ZBTB25: variants seen among roughly 807,000 people sequenced by gnomAD.
The protein encoded by ZBTB25 is zinc finger and BTB domain-containing protein 25.
Under a neutral mutation model 34.2 loss-of-function variants are expected in ZBTB25, and 20 were observed. The observed-to-expected ratio is 0.58, with a 90% confidence interval of 0.41 to 0.85. ZBTB25 has a LOEUF of 0.85. Among genes scored for constraint, ZBTB25 ranks in the 40% least tolerant of loss-of-function variants. The pLI is 0.00. For missense variants in ZBTB25, 437 were observed against 521.8 expected, an observed-to-expected ratio of 0.84 and a Z score of 1.58; for synonymous variants, 175 against 186.4, an observed-to-expected ratio of 0.94 and a Z score of 0.50.
chr14:64,454,890 C>A (rs778065296), intron 2 of ZBTB25: 8 of 1,613,656 alleles, frequency 5.0e-6, no homozygotes, highest in Non-Finnish European at 5.1e-6. Context: ...GTGCATGCTG[C>A]AAGGGAGTAG....
At position 64,487,607 on chromosome 14, in the gene ZBTB25, A is replaced by C; in HGVS notation, c.624T>G (p.Cys208Trp). The C allele has an allele frequency of 6.2e-7, 1 of 1,606,530 alleles. No individual in the cohort carries two copies. Among genetic ancestry groups the C allele is most frequent in the Non-Finnish European group, 8.5e-7 (1 of 1,175,692 alleles). ...KPPVSIKQERCDPESVISQSH... is the reference protein window; with the variant it reads ...KPPVSIKQERWDPESVISQSH... ...TCTGGGAGATCACAGATTCTGGGTC[A>C]CATCTCTCCTGCTTGATGGAAACTG... The change falls in exon 3 of 3, where the codon TGT (cysteine) becomes TGG (tryptophan). Residue 208 changes from cysteine to tryptophan, a missense_variant. Transcript: ENST00000608382.
intron 1 of ZBTB25, among the ~76,000 whole-genome samples, chr14:64,500,880 G>T: frequency 6.6e-6 from 1 of 152,096 alleles, no homozygotes; most frequent in East Asian, 1.9e-4. Context: ...GCGAAACCCT[G>T]TCTCTACTAA....
intron 1 of ZBTB25, among the ~76,000 whole-genome samples, chr14:64,494,245 T>C (rs2141041703): frequency 6.6e-6 from 1 of 152,288 alleles, no homozygotes; most frequent in African/African-American, 2.4e-5. Flanking sequence ...ATTACAAACA[T>C]GTCGAGTGTA....
upstream of ZBTB25, chr14:64,504,973 TTTGCGCAACTTTGGC>T (rs2079618477): frequency 2.5e-6 from 1 of 393,800 alleles, no homozygotes; most frequent in Non-Finnish European, 4.5e-6. Context: ...TGTGGGGCTA[TTTGCGCAACTTTGGC>T]CCAGGCCGGA....
At chr14:64,489,777 G>A (rs574647380) in intron 2 of ZBTB25, among the ~76,000 whole-genome samples, 277 of 151,264 alleles carry the variant, frequency 1.8e-3, no homozygotes, top group Middle Eastern at 3.4e-3. Flanking sequence ...CTTGTGATCC[G>A]CCCACCTTGG....
chr14:64,500,365 T>TGCA (rs2079444081), intron 1 of ZBTB25, among the ~76,000 whole-genome samples: 1 of 149,606 alleles, frequency 6.7e-6, no homozygotes, highest in African/African-American at 2.5e-5. Context: ...AAAACATCCA[T>TGCA]GCATGACTGA....
At chr14:64,502,182 C>T (rs2079519550) in intron 1 of ZBTB25, among the ~76,000 whole-genome samples, 1 of 152,170 alleles carries the variant, frequency 6.6e-6, no homozygotes, top group African/African-American at 2.4e-5. Flanking sequence ...TAAACAGCGG[C>T]CAACTTGAGC....
At chr14:64,463,826 T>C (rs1452609174) in intron 2 of ZBTB25, among the ~76,000 whole-genome samples, 1 of 152,070 alleles carries the variant, frequency 6.6e-6, no homozygotes, top group Non-Finnish European at 1.5e-5. Context: ...GCTCATCTTA[T>C]TTTTTGCCTG....
chr14:64,467,277 G>T (rs918737020), intron 2 of ZBTB25: 2 of 152,192 alleles, frequency 1.3e-5, no homozygotes, highest in African/African-American at 4.8e-5. Context: ...TCATCTGTAC[G>T]TGGTGATACC....
intron 1 of ZBTB25, among the ~76,000 whole-genome samples, chr14:64,491,361 G>C (rs1270648371): frequency 6.6e-6 from 1 of 152,170 alleles, no homozygotes; most frequent in Non-Finnish European, 1.5e-5. Flanking sequence ...AACTACTTGA[G>C]GGGCTGAGGC....
intron 2 of ZBTB25, chr14:64,471,162 T>A (rs2078666211): frequency 6.2e-6 from 1 of 161,104 alleles, no homozygotes; most frequent in African/African-American, 2.4e-5. Flanking sequence ...TTCTTTTTTT[T>A]TTTTTTTTGA....
chr14:64,486,309 A>T lies in ZBTB25; in HGVS notation c.*614T>A, dbSNP rs1369424271. ...ACAGAGAGACTCTGTCTCAAAAAAA[A>T]AAAGAGGTATACTCAATGTTAAAAA... On this transcript the variant is annotated 3_prime_UTR_variant, in exon 3 of 3. Coordinates refer to ENST00000608382, the MANE Select transcript of ZBTB25 (RefSeq NM_006977.5). 4 of 985,032 alleles carry T rather than the reference A, an allele frequency of 4.1e-6. No individual in the cohort carries two copies. The African/African-American group carries it at 7.0e-5, about 17-fold the overall frequency. The allele number at this position is 985,032 out of a possible 1,614,324, so 61.0% of individuals were successfully genotyped here. A position where few individuals can be genotyped will look rare whatever the true frequency, so the allele number is the denominator to read the frequency against.
At chr14:64,495,057 T>C (rs146600051) in intron 1 of ZBTB25, among the ~76,000 whole-genome samples, 76 of 152,362 alleles carry the variant, frequency 5.0e-4, no homozygotes, top group African/African-American at 1.7e-3. Flanking sequence ...AGCATAGTTA[T>C]AATAGCTGCT....
At chr14:64,490,756 G>A (rs1436356908) in intron 1 of ZBTB25, among the ~76,000 whole-genome samples, 1 of 152,164 alleles carries the variant, frequency 6.6e-6, no homozygotes, top group African/African-American at 2.4e-5. Flanking sequence ...AAACTCTGCT[G>A]AACCATAAAA....
chr14:64,485,631 G>T lies in ZBTB25; in HGVS notation c.*1292C>A. 1.7e-5 allele frequency: 17 copies of T among 985,340 alleles called. No homozygotes were observed. Among genetic ancestry groups the T allele is most frequent in the Non-Finnish European group, 2.0e-5 (17 of 829,902 alleles). The allele number at this position is 985,340 out of a possible 1,614,324, so 61.0% of individuals were successfully genotyped here. A position where few individuals can be genotyped will look rare whatever the true frequency, so the allele number is the denominator to read the frequency against. ...ATCTTAAATGTAGTTATAGAACACTGAATGTATCCACTTTGCTGGTTTTAT... is the reference window on the plus strand; with the variant it reads ...ATCTTAAATGTAGTTATAGAACACTTAATGTATCCACTTTGCTGGTTTTAT... On this transcript the variant is annotated 3_prime_UTR_variant, in exon 3 of 3. Transcript: ENST00000608382.
intron 1 of ZBTB25, among the ~76,000 whole-genome samples, chr14:64,496,431 C>T (rs940153496): frequency 2.6e-5 from 4 of 151,920 alleles, no homozygotes; most frequent in Admixed American, 6.6e-5. Flanking sequence ...GAAGAGGTTG[C>T]AGTGAGCCGA....
rs2078848900 is a variant in ZBTB25, at chr14:64,485,543, TG to T, written c.*1379del. ...TTTAATTTTCCTGGGGTTTTAGCTT[TG>T]TAAGTGTCACCATTATAAAAGAGAG... On this transcript the variant is annotated 3_prime_UTR_variant, in exon 3 of 3. Transcript: ENST00000608382. 1 of 985,280 alleles carries T rather than the reference TG, an allele frequency of 1.0e-6. No homozygotes were observed. The highest frequency in any genetic ancestry group is 1.2e-6 in the Non-Finnish European group (1 of 829,922). 61.0% of individuals were successfully genotyped at this position (985,280 alleles called of 1,614,324 possible). A position where few individuals can be genotyped will look rare whatever the true frequency, so the allele number is the denominator to read the frequency against.
At chr14:64,503,121 G>A (rs1230718070) in intron 1 of ZBTB25, 4 of 985,450 alleles carry the variant, frequency 4.1e-6, no homozygotes, top group Non-Finnish European at 4.8e-6. Flanking sequence ...TGATAAGATG[G>A]GTCAAGCTTC....
chr14:64,502,765 G>A (rs1596671149), intron 1 of ZBTB25: 3 of 968,838 alleles, frequency 3.1e-6, no homozygotes, highest in East Asian at 2.3e-4. Flanking sequence ...TAGCTATCAA[G>A]AGGTGTAGCT....
Sources: allele counts gnomAD v4.1 joint callset (sites outside exome capture counted in the v4.1 genomes callset), GRCh38; gene constraint gnomAD v4.1.1; transcripts MANE v1.5; gene names NCBI Gene and HGNC (gene_info 2026-07-23, HGNC 2026-07-21).